RBM19: variants seen among roughly 807,000 people sequenced by gnomAD.
RBM19 encodes the protein RNA binding motif protein 19.
Under a neutral mutation model 116.8 loss-of-function variants are expected in RBM19, and 94 were observed. The ratio of observed to expected loss-of-function variants is 0.80; its 90% confidence interval spans 0.68 to 0.95. The LOEUF (loss-of-function observed/expected upper bound fraction) is 0.95, where lower values mean the gene tolerates loss of function less well. RBM19 is among the 40% of genes least tolerant of loss of function. The pLI, the probability that RBM19 is intolerant of heterozygous loss-of-function variation, is 0.00. For missense variants in RBM19, 1,161 were observed against 1,220.7 expected, an observed-to-expected ratio of 0.95 and a Z score of 0.73; for synonymous variants, 475 against 494.1, an observed-to-expected ratio of 0.96 and a Z score of 0.51.
chr12:113,900,179 G>A (rs532516389), intron 21 of RBM19, among the ~76,000 whole-genome samples: 42 of 152,254 alleles, frequency 2.8e-4, no homozygotes, highest in African/African-American at 1.0e-3. Context: ...CGAAAACAAC[G>A]GCAAGAAAAC....
intron 23 of RBM19, among the ~76,000 whole-genome samples, chr12:113,837,246 T>TACACACACACAC (rs34948952): frequency 0.11 from 14,377 of 126,616 alleles, 1,058 homozygotes; most frequent in Middle Eastern, 0.19. Flanking sequence ...ATCCTCCTAA[T>TACACACACACAC]ACACACACAC....
intron 19 of RBM19, among the ~76,000 whole-genome samples, chr12:113,919,358 T>C (rs1593585089): frequency 6.6e-6 from 1 of 152,018 alleles, no homozygotes; most frequent in Admixed American, 6.6e-5. Flanking sequence ...GATCACGGGG[T>C]CAGGAGATCG....
At chr12:113,853,559 T>C (rs539801427) in intron 22 of RBM19, among the ~76,000 whole-genome samples, 1 of 152,250 alleles carries the variant, frequency 6.6e-6, no homozygotes, top group Admixed American at 6.5e-5. Flanking sequence ...CTTTGTGGTC[T>C]TCCCCTTCCG....
At chr12:113,865,723 A>G (rs1878747524) in intron 21 of RBM19, among the ~76,000 whole-genome samples, 1 of 152,144 alleles carries the variant, frequency 6.6e-6, no homozygotes, top group Non-Finnish European at 1.5e-5. Flanking sequence ...TCTTTTATGC[A>G]GTGCAACCAT....
intron 23 of RBM19, among the ~76,000 whole-genome samples, chr12:113,823,794 AGAG>A (rs1173403206): frequency 2.6e-5 from 4 of 152,146 alleles, no homozygotes; most frequent in Non-Finnish European, 5.9e-5. Flanking sequence ...GAAACCCTTC[AGAG>A]AGGCTGGACC....
chr12:113,863,450 G>A (rs1449528793), intron 21 of RBM19, among the ~76,000 whole-genome samples: 3 of 152,172 alleles, frequency 2.0e-5, no homozygotes, highest in Admixed American at 6.5e-5. Context: ...CCAGAGATGC[G>A]GAGCTGGACA....
chr12:113,919,599 C>A (rs745995967), intron 19 of RBM19, among the ~76,000 whole-genome samples: 1 of 152,170 alleles, frequency 6.6e-6, no homozygotes, highest in Non-Finnish European at 1.5e-5. Flanking sequence ...ATAGCTGGTG[C>A]AAAATTTGCC....
intron 21 of RBM19, among the ~76,000 whole-genome samples, chr12:113,890,610 C>T (rs948360207): frequency 2.6e-5 from 4 of 152,210 alleles, no homozygotes; most frequent in African/African-American, 9.6e-5. Flanking sequence ...CAGAGAGAAG[C>T]TCTGGCCACG....
chr12:113,897,110 G>C (rs1379659899), intron 21 of RBM19, among the ~76,000 whole-genome samples: 1 of 152,192 alleles, frequency 6.6e-6, no homozygotes, highest in Non-Finnish European at 1.5e-5. Flanking sequence ...CCTCCCAATA[G>C]ACCCGGCAAG....
At chr12:113,960,024 A>T (rs1593657937) in intron 3 of RBM19, 35 bp downstream of exon 3, 2 of 1,614,034 alleles carry the variant, frequency 1.2e-6, no homozygotes, top group South Asian at 2.2e-5. Flanking sequence ...CCCTGCTGGC[A>T]GTGGGGACAG....
chr12:113,911,302 CCTGA>C (rs2135846293), intron 21 of RBM19, among the ~76,000 whole-genome samples: 1 of 152,294 alleles, frequency 6.6e-6, no homozygotes, highest in East Asian at 1.9e-4. Flanking sequence ...CAAGGTCCTT[CCTGA>C]CTCTCTACCC....
At chr12:113,864,922 T>C (rs1327763888) in intron 21 of RBM19, among the ~76,000 whole-genome samples, 1 of 152,114 alleles carries the variant, frequency 6.6e-6, no homozygotes, top group African/African-American at 2.4e-5. Flanking sequence ...TGGCTACTAC[T>C]GTCCCCAGTT....
Position 113,942,367 on chromosome 12 carries a change from C to A in RBM19, c.1694G>T (p.Arg565Leu), listed in dbSNP as rs764907171. The A allele has an allele frequency of 5.0e-6, 8 of 1,609,158 alleles. No individual in the cohort carries two copies. Among genetic ancestry groups the A allele is most frequent in the Non-Finnish European group, 6.8e-6 (8 of 1,179,928 alleles). ...GETQLVQEVR[R>L]FLIDNGVSLD... ...GCTGACCCCGTTGTCTATGAGAAAA[C>A]GCCGCACTTCCTGGACGAGCTGGGT... The change falls in exon 14 of 24, where the codon CGT becomes CTT. Residue 565 changes from arginine to leucine, a missense_variant. Coordinates refer to ENST00000261741, the MANE Select transcript of RBM19 (RefSeq NM_016196.4).
chr12:113,959,145 A>G, intron 5 of RBM19, 67 bp downstream of exon 5: 1 of 1,537,132 alleles, frequency 6.5e-7, no homozygotes. Context: ...AGGGGCCCCC[A>G]GTGCCGGTTA....
At chr12:113,861,061 A>C (rs1878323162) in intron 21 of RBM19, among the ~76,000 whole-genome samples, 2 of 152,208 alleles carry the variant, frequency 1.3e-5, no homozygotes, top group African/African-American at 4.8e-5. Flanking sequence ...GAAGAAACCA[A>C]GGCTCTGGGA....
At chr12:113,959,805 TCCACCCTCTTCCACCTGCTGC>T in intron 4 of RBM19, 39 bp downstream of exon 4, 1 of 1,492,400 alleles carries the variant, frequency 6.7e-7, no homozygotes. Flanking sequence ...CTCTCCAGTC[TCCACCCTCTTCCACCTGCTGC>T]CCACCCTCTC....
intron 15 of RBM19, among the ~76,000 whole-genome samples, chr12:113,938,402 T>A (rs1372710396): frequency 2.7e-5 from 3 of 110,404 alleles, no homozygotes; most frequent in Non-Finnish European, 5.4e-5. Flanking sequence ...AATGGGGACA[T>A]GAATATCTAT....
chr12:113,923,605 T>C (rs2168911), intron 18 of RBM19, among the ~76,000 whole-genome samples: 129,117 of 152,232 alleles, frequency 0.85, 54,930 homozygotes, highest in South Asian at 0.92. Context: ...CCTTTCTAGG[T>C]GTAGGCGTAT....
At chr12:113,948,767 C>T (rs7980086) in intron 10 of RBM19, 66 bp downstream of exon 10, 179,023 of 1,526,774 alleles carry the variant, frequency 0.12, 12,637 homozygotes, top group African/African-American at 0.32. Context: ...GAACCCAGGA[C>T]GTCAGAGTGA....
Sources: allele counts gnomAD v4.1 joint callset (sites outside exome capture counted in the v4.1 genomes callset), GRCh38; gene constraint gnomAD v4.1.1; transcripts MANE v1.5; gene names NCBI Gene and HGNC (gene_info 2026-07-23, HGNC 2026-07-21).